The following SPATA16 variants were observed in gnomAD, a reference collection of about 807,000 sequenced individuals.
SPATA16 encodes the protein spermatogenesis-associated protein 16.
SPATA16 carries 36 observed loss-of-function variants against 63.3 expected under a neutral mutation model. The observed-to-expected ratio is 0.57, with a 90% confidence interval of 0.44 to 0.75. SPATA16 has a LOEUF of 0.75. Among genes scored for constraint, SPATA16 ranks in the 30% least tolerant of loss-of-function variants. SPATA16 has a pLI of 0.00. For missense variants in SPATA16, 646 were observed against 679.3 expected (o/e 0.95, Z 0.54); for synonymous variants, 203 against 216.7 (o/e 0.94, Z 0.56).
chr3:173,028,414 A>C (rs1735518936), intron 3 of SPATA16, among the ~76,000 whole-genome samples: 1 of 151,948 alleles, frequency 6.6e-6, no homozygotes, highest in Admixed American at 6.6e-5. Context: ...TTATGAAATA[A>C]GGAATCTAAT....
intron 2 of SPATA16, among the ~76,000 whole-genome samples, chr3:173,058,394 T>C (rs1454637402): frequency 6.6e-5 from 10 of 152,154 alleles, no homozygotes; most frequent in Admixed American, 6.5e-4. Context: ...ATTGTTATAT[T>C]CTATCTGTTA....
At position 172,976,966 on chromosome 3, in the gene SPATA16, A is replaced by G. The variant is rs78224319; in HGVS notation, c.933+2T>C. On this transcript the variant is annotated splice_donor_variant, in intron 5 of 10. Transcript: ENST00000351008. LOFTEE classifies it high-confidence loss of function. The stretch of plus-strand genomic sequence containing the variant: ...CTCCCTAGTTGGGACATCAATTTTT[A>G]CCTGCCAATACAGTTTGATGAGCTT... 1 of 1,608,300 alleles carries G rather than the reference A, an allele frequency of 6.2e-7. No homozygotes were observed. Among genetic ancestry groups the G allele is most frequent in the Non-Finnish European group, 8.5e-7 (1 of 1,178,018 alleles).
At chr3:173,093,604 T>C (rs577226867) in intron 2 of SPATA16, among the ~76,000 whole-genome samples, 2 of 152,250 alleles carry the variant, frequency 1.3e-5, no homozygotes, top group Admixed American at 6.5e-5. Context: ...ACTATAAGGA[T>C]TAAAATCATA....
At position 173,120,688 on chromosome 3, in the gene SPATA16, G is replaced by T. The variant is rs368171742; in HGVS notation, c.-18-2939C>A. Reference sequence around the variant, plus strand: ...TAGCCATTTCTTCTAGAGCATAATTGTTCTCTCTCTCTGCCTCCCTCTCTC... The same window carrying T: ...TAGCCATTTCTTCTAGAGCATAATTTTTCTCTCTCTCTGCCTCCCTCTCTC... On this transcript the variant is annotated intron_variant, in intron 1 of 10. Transcript: ENST00000351008. Among the ~76,000 whole-genome samples the T allele has an allele frequency of 1.2e-3, 177 of 152,116 alleles. 1 individual carries two copies. The Middle Eastern group carries it at 0.044, about 38-fold the overall frequency.
chr3:173,074,758 G>A (rs1256118071), intron 2 of SPATA16, among the ~76,000 whole-genome samples: 1 of 152,102 alleles, frequency 6.6e-6, no homozygotes, highest in African/African-American at 2.4e-5. Flanking sequence ...AAACTAACTG[G>A]AGGCTGTGGC....
At chr3:172,898,075 A>G (rs959281662) in intron 10 of SPATA16, among the ~76,000 whole-genome samples, 2 of 152,052 alleles carry the variant, frequency 1.3e-5, no homozygotes, top group African/African-American at 2.4e-5. Context: ...GAAATATTCA[A>G]ACATTCTTGC....
chr3:173,072,601 C>G (rs1736700076), intron 2 of SPATA16, among the ~76,000 whole-genome samples: 1 of 152,182 alleles, frequency 6.6e-6, no homozygotes, highest in Admixed American at 6.5e-5. Flanking sequence ...CTCTTGTCTG[C>G]CACCATATAA....
intron 5 of SPATA16, among the ~76,000 whole-genome samples, chr3:172,957,201 A>C (rs1338426597): frequency 6.6e-6 from 1 of 152,124 alleles, no homozygotes; most frequent in African/African-American, 2.4e-5. Context: ...GTATATGGAG[A>C]GATTTCTTTT....
At chr3:173,039,581 AT>A (rs1735792259) in intron 3 of SPATA16, among the ~76,000 whole-genome samples, 1 of 152,150 alleles carries the variant, frequency 6.6e-6, no homozygotes, top group African/African-American at 2.4e-5. Flanking sequence ...CTATTTTCAT[AT>A]TCATGAATAA....
intron 3 of SPATA16, among the ~76,000 whole-genome samples, chr3:173,024,473 A>G (rs1735406377): frequency 6.6e-6 from 1 of 151,044 alleles, no homozygotes; most frequent in Admixed American, 6.6e-5. Flanking sequence ...TGAATCTATC[A>G]AAATGATCTT....
chr3:173,127,653 A>G (rs1332823580), intron 1 of SPATA16, among the ~76,000 whole-genome samples: 1 of 152,260 alleles, frequency 6.6e-6, no homozygotes, highest in East Asian at 1.9e-4. Context: ...CTCAGCCAGA[A>G]TACTACAGAA....
intron 5 of SPATA16, among the ~76,000 whole-genome samples, chr3:172,974,655 A>C (rs541789658): frequency 2.6e-5 from 4 of 152,074 alleles, no homozygotes; most frequent in African/African-American, 7.2e-5. Context: ...GTGTTAATTT[A>C]TAGAATTTAT....
chr3:173,000,601 C>G (rs1318139857), intron 4 of SPATA16, among the ~76,000 whole-genome samples: 1 of 152,060 alleles, frequency 6.6e-6, no homozygotes. Context: ...AGGAAATTCT[C>G]AGTTACTTCA....
intron 4 of SPATA16, among the ~76,000 whole-genome samples, chr3:172,983,314 T>C (rs1213742067): frequency 6.7e-6 from 1 of 149,728 alleles, no homozygotes; most frequent in Non-Finnish European, 1.5e-5. Context: ...TCCATCTTTC[T>C]CCAAGTGACC....
chr3:172,989,043 A>G (rs954625611), intron 4 of SPATA16, among the ~76,000 whole-genome samples: 1 of 152,202 alleles, frequency 6.6e-6, no homozygotes, highest in Non-Finnish European at 1.5e-5. Flanking sequence ...TGCTTTCAGC[A>G]CTTTTCTAGA....
chr3:173,091,930 A>C (rs1386884577), intron 2 of SPATA16, among the ~76,000 whole-genome samples: 5 of 152,116 alleles, frequency 3.3e-5, no homozygotes, highest in African/African-American at 9.7e-5. Flanking sequence ...CAGAATATTT[A>C]TATAGAGAAT....
chr3:173,071,642 G>C (rs1159541579), intron 2 of SPATA16, among the ~76,000 whole-genome samples: 3 of 152,056 alleles, frequency 2.0e-5, no homozygotes, highest in African/African-American at 7.2e-5. Flanking sequence ...TTAAAAAATG[G>C]GCAAAAGATC....
intron 2 of SPATA16, among the ~76,000 whole-genome samples, chr3:173,099,134 C>T (rs536272113): frequency 5.9e-5 from 9 of 152,222 alleles, no homozygotes; most frequent in East Asian, 1.9e-4. Flanking sequence ...AGTAGCATAA[C>T]GATACTTCAC....
rs1348142530 is a variant in SPATA16, at chr3:173,139,769, G to A, written c.-19+1334C>T. ...AGGATACTGAGGTGGGCATATCACTGGAGGTCAGGACTTTGAGACCAGCCT... is the reference window on the plus strand; with the variant it reads ...AGGATACTGAGGTGGGCATATCACTAGAGGTCAGGACTTTGAGACCAGCCT... On this transcript the variant is annotated intron_variant, in intron 1 of 10. Transcript: ENST00000351008. Among the ~76,000 whole-genome samples, 4 of 152,112 alleles carry A rather than the reference G, an allele frequency of 2.6e-5. No homozygotes were observed. The East Asian group carries it at 7.7e-4, about 29-fold the overall frequency.
Sources: allele counts gnomAD v4.1 joint callset (sites outside exome capture counted in the v4.1 genomes callset), GRCh38; gene constraint gnomAD v4.1.1; transcripts MANE v1.5; gene names NCBI Gene and HGNC (gene_info 2026-07-23, HGNC 2026-07-21).